HIP1: variants seen among roughly 807,000 people sequenced by gnomAD.
HIP1 encodes huntingtin interacting protein 1.
In HIP1, 65 loss-of-function variants were observed where a neutral mutation model predicts 147.6. That is an observed-to-expected ratio of 0.44 (90% CI 0.36 to 0.54). The LOEUF is 0.54. Ranked by LOEUF, HIP1 falls within the 20% of genes least tolerant of loss-of-function variation. HIP1 has a pLI of 0.00. For synonymous variants in HIP1, 479 were observed against 504.0 expected (o/e 0.95, Z 0.67); for missense variants, 1,061 against 1,299.6 (o/e 0.82, Z 2.82).
Position 75,639,030 on chromosome 7 carries a change from A to G in HIP1, c.121-39783T>C. 3 of 973,068 alleles carry G rather than the reference A, an allele frequency of 3.1e-6. No homozygotes were observed. The South Asian group carries it at 1.4e-4, about 46-fold the overall frequency. The allele number at this position is 973,068 out of a possible 1,614,324, so 60.3% of individuals were successfully genotyped here. On this transcript the variant is annotated intron_variant, in intron 1 of 30. Coordinates refer to ENST00000336926, the MANE Select transcript of HIP1 (RefSeq NM_005338.7). Reference sequence around the variant, plus strand: ...GGGGTGTGGGGAGGGGGCTCGGGGCAAAGCCCCTGCTCACACTTACCATCT... The same window carrying G: ...GGGGTGTGGGGAGGGGGCTCGGGGCGAAGCCCCTGCTCACACTTACCATCT...
chr7:75,702,048 C>T (rs1298071718), intron 1 of HIP1, among the ~76,000 whole-genome samples: 4 of 150,652 alleles, frequency 2.7e-5, no homozygotes, highest in African/African-American at 9.7e-5. Flanking sequence ...TCCTGTCTCA[C>T]CCTCCCAAGT....
At chr7:75,708,143 T>C (rs2117343999) in intron 1 of HIP1, among the ~76,000 whole-genome samples, 1 of 152,308 alleles carries the variant, frequency 6.6e-6, no homozygotes, top group Non-Finnish European at 1.5e-5. Flanking sequence ...CAAAAGAAAC[T>C]ACCATATATC....
intron 1 of HIP1, among the ~76,000 whole-genome samples, chr7:75,701,343 G>A (rs1376051465): frequency 6.6e-6 from 1 of 151,998 alleles, no homozygotes; most frequent in East Asian, 1.9e-4. Flanking sequence ...GCAGTGAGCT[G>A]AGATCCTGCC....
chr7:75,635,982 G>A (rs1030838481), intron 1 of HIP1, among the ~76,000 whole-genome samples: 3 of 138,734 alleles, frequency 2.2e-5, no homozygotes, highest in Admixed American at 8.0e-5. Flanking sequence ...CTGAGAATGC[G>A]CCACTGCACT....
At chr7:75,607,383 CAA>C (rs1797268079) in intron 1 of HIP1, among the ~76,000 whole-genome samples, 1 of 151,356 alleles carries the variant, frequency 6.6e-6, no homozygotes, top group Non-Finnish European at 1.5e-5. Flanking sequence ...TGCACACCAC[CAA>C]GCCCGGCTAA....
chr7:75,580,436 C>T lies in HIP1; in HGVS notation c.604+801G>A, dbSNP rs587658925. On this transcript the variant is annotated intron_variant, in intron 7 of 30. Coordinates refer to ENST00000336926, the MANE Select transcript of HIP1 (RefSeq NM_005338.7). ...CTTTCTGCTCAGACGTGAAACCACC[C>T]GCTTGGAAAATATCTAGGAGGCCAG... Among the ~76,000 whole-genome samples the T allele has an allele frequency of 4.8e-3, 727 of 152,066 alleles. 5 individuals are homozygous for T. The highest frequency in any genetic ancestry group is 0.017 in the African/African-American group (689 of 41,504).
chr7:75,544,347 G>A (rs1306290233), intron 27 of HIP1, among the ~76,000 whole-genome samples: 2 of 151,830 alleles, frequency 1.3e-5, no homozygotes, highest in Admixed American at 1.3e-4. Context: ...TAACTCCTAA[G>A]TAGTCTCTAA....
At chr7:75,624,793 G>C (rs1257128286) in intron 1 of HIP1, among the ~76,000 whole-genome samples, 2 of 151,986 alleles carry the variant, frequency 1.3e-5, no homozygotes, top group Non-Finnish European at 2.9e-5. Context: ...CTCTAACCAA[G>C]ATTAACTACC....
chr7:75,596,430 A>G (rs1796749429), intron 2 of HIP1, among the ~76,000 whole-genome samples: 1 of 152,160 alleles, frequency 6.6e-6, no homozygotes, highest in Admixed American at 6.6e-5. Flanking sequence ...CTTGTTGCCC[A>G]GGCTGGAGTA....
intron 1 of HIP1, among the ~76,000 whole-genome samples, chr7:75,633,527 G>T (rs1798311194): frequency 6.6e-6 from 1 of 152,054 alleles, no homozygotes; most frequent in Non-Finnish European, 1.5e-5. Context: ...CCTGACCTTA[G>T]TTGATCCTCC....
At chr7:75,719,577 A>G (rs1311634787) in intron 1 of HIP1, among the ~76,000 whole-genome samples, 2 of 151,866 alleles carry the variant, frequency 1.3e-5, no homozygotes, top group African/African-American at 4.8e-5. Context: ...CACAATGTTG[A>G]GGACTTTTCA....
intron 29 of HIP1, among the ~76,000 whole-genome samples, chr7:75,541,559 G>A (rs1794316524): frequency 6.6e-6 from 1 of 151,478 alleles, no homozygotes; most frequent in South Asian, 2.1e-4. Flanking sequence ...AGCTAGGTGT[G>A]GTGACGCACG....
chr7:75,715,842 A>C (rs570694486), intron 1 of HIP1, among the ~76,000 whole-genome samples: 1 of 150,378 alleles, frequency 6.6e-6, no homozygotes, highest in East Asian at 2.0e-4. Context: ...TACAAGCATG[A>C]CACTCACATC....
chr7:75,554,830 C>T (rs1166329908), intron 19 of HIP1, among the ~76,000 whole-genome samples: 1 of 151,988 alleles, frequency 6.6e-6, no homozygotes, highest in African/African-American at 2.4e-5. Flanking sequence ...AATTCCAGCA[C>T]TTTGAGAGGC....
chr7:75,680,154 T>A (rs1430745886), intron 1 of HIP1, among the ~76,000 whole-genome samples: 1 of 152,174 alleles, frequency 6.6e-6, no homozygotes, highest in Non-Finnish European at 1.5e-5. Flanking sequence ...GCAATTCTCG[T>A]GCCTCAGCCT....
chr7:75,543,726 T>C (rs1275077242), intron 27 of HIP1, among the ~76,000 whole-genome samples: 1 of 152,228 alleles, frequency 6.6e-6, no homozygotes, highest in Admixed American at 6.5e-5. Flanking sequence ...TATTCCTTAT[T>C]CGAGTGTTTC....
chr7:75,556,819 A>G lies in HIP1; in HGVS notation c.1582-8T>C. On this transcript the variant is annotated splice_polypyrimidine_tract_variant and splice_region_variant and intron_variant, in intron 16 of 30. Transcript: ENST00000336926. ...TTCCAGCTGTTCTTGAGTCTGAAAG[A>G]GAAGAAAAACAGAGGGACTCTGATC... 1 of 1,575,636 alleles carries G rather than the reference A, an allele frequency of 6.3e-7. No homozygotes were observed. Among genetic ancestry groups the G allele is most frequent in the Non-Finnish European group, 8.7e-7 (1 of 1,145,664 alleles).
chr7:75,536,492 T>C lies in HIP1; in HGVS notation c.*1680A>G, dbSNP rs1320922447. 4.8e-5 allele frequency: 11 copies of C among 228,834 alleles called. No homozygotes were observed. In the East Asian group the frequency reaches 6.9e-4, roughly 14 times the overall value. The allele number at this position is 228,834 out of a possible 1,614,324, so 14.2% of individuals were successfully genotyped here. A position where few individuals can be genotyped will look rare whatever the true frequency, so the allele number is the denominator to read the frequency against. ...GCTACCACCAATGAGTTGCTATAGA[T>C]AAAGAAGGAAGACGCTGTTTTTCCA... On this transcript the variant is annotated 3_prime_UTR_variant, in exon 31 of 31. Coordinates refer to ENST00000336926, the MANE Select transcript of HIP1 (RefSeq NM_005338.7).
intron 1 of HIP1, among the ~76,000 whole-genome samples, chr7:75,665,105 T>C (rs544685613): frequency 6.6e-6 from 1 of 151,892 alleles, no homozygotes; most frequent in Non-Finnish European, 1.5e-5. Flanking sequence ...ACAAAAAAAA[T>C]TTAAAAATTA....
Sources: allele counts gnomAD v4.1 joint callset (sites outside exome capture counted in the v4.1 genomes callset), GRCh38; gene constraint gnomAD v4.1.1; transcripts MANE v1.5; gene names NCBI Gene and HGNC (gene_info 2026-07-23, HGNC 2026-07-21).